SLC35F4: variants seen among roughly 807,000 people sequenced by gnomAD.
SLC35F4 encodes solute carrier family 35 member F4.
In SLC35F4, 24 loss-of-function variants were observed where a neutral mutation model predicts 44.2. The ratio of observed to expected loss-of-function variants is 0.54; its 90% CI spans 0.39 to 0.76. The LOEUF (loss-of-function observed/expected upper bound fraction) is 0.76, where lower values mean the gene tolerates loss of function less well. SLC35F4 is among the 30% of genes least tolerant of loss of function. The pLI is 0.00. For synonymous variants in SLC35F4, 238 were observed against 223.6 expected (o/e 1.06, Z -0.57); for missense variants, 562 against 586.1 (o/e 0.96, Z 0.42).
At chr14:57,897,803 A>G (rs1341721250) in intron 1 of SLC35F4, among the ~76,000 whole-genome samples, 1 of 152,192 alleles carries the variant, frequency 6.6e-6, no homozygotes, top group Non-Finnish European at 1.5e-5. Context: ...TTCTAAATGT[A>G]GCCCCCACAA....
chr14:57,587,223 C>T (rs2069816115), intron 3 of SLC35F4, among the ~76,000 whole-genome samples: 1 of 152,156 alleles, frequency 6.6e-6, no homozygotes, highest in African/African-American at 2.4e-5. Context: ...TGTGGCAATT[C>T]CTCAAGGATC....
intron 1 of SLC35F4, among the ~76,000 whole-genome samples, chr14:57,864,703 T>C (rs1887971643): frequency 6.6e-6 from 1 of 152,240 alleles, no homozygotes; most frequent in Admixed American, 6.5e-5. Context: ...TCCAAGCTTC[T>C]GACAACAATA....
chr14:57,715,876 C>T (rs2075926710), intron 1 of SLC35F4, among the ~76,000 whole-genome samples: 1 of 150,724 alleles, frequency 6.6e-6, no homozygotes, highest in Non-Finnish European at 1.5e-5. Flanking sequence ...TAAAAATGTA[C>T]TTTTAAAAGA....
intron 3 of SLC35F4, among the ~76,000 whole-genome samples, chr14:57,588,740 A>G (rs2069959068): frequency 6.6e-6 from 1 of 152,220 alleles, no homozygotes; most frequent in African/African-American, 2.4e-5. Flanking sequence ...TCTGCTAGGC[A>G]TCTCAGTGTC....
intron 1 of SLC35F4, among the ~76,000 whole-genome samples, chr14:57,969,626 T>C (rs896191275): frequency 1.3e-5 from 2 of 152,226 alleles, no homozygotes; most frequent in Non-Finnish European, 2.9e-5. Flanking sequence ...AACATTCTTC[T>C]GTGTTTTCCA....
At chr14:57,809,967 C>T (rs932942834) in intron 1 of SLC35F4, among the ~76,000 whole-genome samples, 1 of 152,168 alleles carries the variant, frequency 6.6e-6, no homozygotes, top group Admixed American at 6.5e-5. Flanking sequence ...CTCTTTAAAC[C>T]TGGTCAGGTC....
chr14:57,894,664 T>A (rs1213520651), intron 1 of SLC35F4, among the ~76,000 whole-genome samples: 1 of 152,172 alleles, frequency 6.6e-6, no homozygotes, highest in Non-Finnish European at 1.5e-5. Context: ...ATTGCAGAAT[T>A]TTTATAAAAT....
chr14:57,951,101 C>A (rs192384381), intron 1 of SLC35F4, among the ~76,000 whole-genome samples: 1 of 152,146 alleles, frequency 6.6e-6, no homozygotes, highest in Non-Finnish European at 1.5e-5. Flanking sequence ...AACTGAGGCA[C>A]CTGGCTCATC....
intron 1 of SLC35F4, among the ~76,000 whole-genome samples, chr14:57,645,309 T>C (rs914629358): frequency 6.6e-6 from 1 of 152,224 alleles, no homozygotes; most frequent in Non-Finnish European, 1.5e-5. Context: ...AGCAGTGGTT[T>C]GTAGTTCTCC....
intron 1 of SLC35F4, among the ~76,000 whole-genome samples, chr14:57,718,288 T>C (rs1163043918): frequency 6.6e-6 from 1 of 152,240 alleles, no homozygotes; most frequent in East Asian, 1.9e-4. Flanking sequence ...CTATTGTGAA[T>C]AGTGCTGCAA....
chr14:57,762,477 A>G (rs978142157), intron 1 of SLC35F4, among the ~76,000 whole-genome samples: 1 of 152,014 alleles, frequency 6.6e-6, no homozygotes, highest in Non-Finnish European at 1.5e-5. Flanking sequence ...ATATTTTACA[A>G]CTCTGTAAGG....
intron 1 of SLC35F4, among the ~76,000 whole-genome samples, chr14:57,788,526 GTC>G (rs1163713893): frequency 1.3e-5 from 2 of 152,140 alleles, no homozygotes; most frequent in Non-Finnish European, 2.9e-5. Flanking sequence ...CATAAAATGA[GTC>G]TCAATAAATT....
chr14:57,727,612 A>C (rs1268582881), intron 1 of SLC35F4, among the ~76,000 whole-genome samples: 1 of 152,084 alleles, frequency 6.6e-6, no homozygotes, highest in Non-Finnish European at 1.5e-5. Flanking sequence ...TTGTTTCAAC[A>C]CAATTTCCAA....
intron 1 of SLC35F4, among the ~76,000 whole-genome samples, chr14:57,808,258 G>A (rs1413765388): frequency 1.3e-5 from 2 of 151,818 alleles, no homozygotes; most frequent in Admixed American, 1.3e-4. Context: ...ACTGATGCAT[G>A]GAAAGATCAG....
rs7143987 is a variant in SLC35F4 at position 57,957,878 on chromosome 14, A to T, written n.282+24035T>A. On this transcript the variant is annotated intron_variant and non_coding_transcript_variant, in intron 1 of 1. Coordinates refer to the SLC35F4 transcript ENST00000556568. ...TTTTTAGGATTTAGGATTATAATCT[A>T]TGTAATACACACACACACACTTACG... Among the ~76,000 whole-genome samples, 3,084 of 152,266 alleles carry T rather than the reference A, an allele frequency of 0.02. 331 individuals are homozygous for T. The East Asian group carries it at 0.34, about 17-fold the overall frequency.
At chr14:57,680,347 T>A (rs1055386569) in intron 1 of SLC35F4, among the ~76,000 whole-genome samples, 2 of 152,066 alleles carry the variant, frequency 1.3e-5, no homozygotes, top group African/African-American at 4.8e-5. Context: ...AAACTTTCAA[T>A]AAACTAAGCG....
intron 1 of SLC35F4, among the ~76,000 whole-genome samples, chr14:57,841,671 G>A (rs372244358): frequency 3.3e-4 from 50 of 152,246 alleles, no homozygotes; most frequent in African/African-American, 1.2e-3. Flanking sequence ...CTATGGTGAA[G>A]TGCAAATCTA....
At chr14:57,982,378 CAG>C (rs1396288137), upstream of SLC35F4, among the ~76,000 whole-genome samples, 2 of 152,190 alleles carry the variant, frequency 1.3e-5, no homozygotes, top group Admixed American at 6.5e-5. Context: ...TCATCAAAAA[CAG>C]AGCCGGACAC....
intron 1 of SLC35F4, among the ~76,000 whole-genome samples, chr14:57,785,016 G>A (rs2140767759): frequency 6.6e-6 from 1 of 152,198 alleles, no homozygotes; most frequent in Non-Finnish European, 1.5e-5. Context: ...TACATTTTAT[G>A]TTAACTGACA....
Sources: gnomAD v4.1 joint callset for allele counts (sites outside exome capture counted in the v4.1 genomes callset) on GRCh38, gnomAD v4.1.1 for gene constraint, MANE v1.5 for transcripts, NCBI Gene and HGNC (gene_info 2026-07-23, HGNC 2026-07-21) for gene names.